The following TMEM245 variants were observed in gnomAD, a reference collection of about 807,000 sequenced individuals.
TMEM245 encodes the protein transmembrane protein 245.
A neutral mutation model predicts 101.2 loss-of-function variants in TMEM245; 69 were observed. That is an observed-to-expected ratio of 0.68 (90% confidence interval 0.56 to 0.83). The LOEUF (loss-of-function observed/expected upper bound fraction) is 0.83. TMEM245 is among the 40% of genes least tolerant of loss of function. The pLI, the probability that TMEM245 is intolerant of heterozygous loss-of-function variation, is 0.00. For missense variants in TMEM245, 1,075 were observed against 1,092.8 expected, an observed-to-expected ratio of 0.98 and a Z score of 0.23; for synonymous variants, 537 against 449.8, an observed-to-expected ratio of 1.19 and a Z score of -2.45.
chr9:109,110,627 CTAT>C (rs1830543938), intron 1 of TMEM245, among the ~76,000 whole-genome samples: 1 of 151,980 alleles, frequency 6.6e-6, no homozygotes, highest in Non-Finnish European at 1.5e-5. Context: ...TAGCCCCACC[CTAT>C]TAAACATTAC....
chr9:109,111,159 G>A (rs1014272876), intron 1 of TMEM245, among the ~76,000 whole-genome samples: 2 of 152,182 alleles, frequency 1.3e-5, no homozygotes, highest in South Asian at 4.1e-4. Context: ...TGTCATCTGG[G>A]AGAGGCATAA....
intron 5 of TMEM245, among the ~76,000 whole-genome samples, chr9:109,090,208 C>G (rs1829958795): frequency 6.6e-6 from 1 of 152,100 alleles, no homozygotes; most frequent in Non-Finnish European, 1.5e-5. Context: ...CTGCAGTGAG[C>G]TGAGATCGCG....
intron 8 of TMEM245, among the ~76,000 whole-genome samples, chr9:109,074,394 C>T (rs1187059266): frequency 1.3e-5 from 2 of 152,154 alleles, no homozygotes; most frequent in African/African-American, 4.8e-5. Context: ...GGCGTAACAG[C>T]TCACTCCTAA....
intron 1 of TMEM245, among the ~76,000 whole-genome samples, chr9:109,113,992 C>T: frequency 6.6e-6 from 1 of 152,168 alleles, no homozygotes; most frequent in Non-Finnish European, 1.5e-5. Flanking sequence ...AGGAGAATCA[C>T]TTGAACCCGG....
At chr9:109,086,113 A>AT in intron 6 of TMEM245, 93 bp from the exon 7 acceptor site, 1 of 1,388,424 alleles carries the variant, frequency 7.2e-7, no homozygotes, top group Non-Finnish European at 1.0e-6. Context: ...AAAGGAAAGC[A>AT]TGAGAAGGAA....
intron 9 of TMEM245, among the ~76,000 whole-genome samples, chr9:109,065,601 A>G (rs190788122): frequency 6.6e-6 from 1 of 152,284 alleles, no homozygotes; most frequent in Admixed American, 6.5e-5. Flanking sequence ...TGGCCTCCTC[A>G]TTCTTCTGTT....
chr9:109,033,593 C>T (rs1381174329), intron 16 of TMEM245, 92 bp from the exon 17 acceptor site: 1 of 1,255,612 alleles, frequency 8.0e-7, no homozygotes, highest in East Asian at 2.5e-5. Flanking sequence ...ATACACTATG[C>T]TTTTTAGCAT....
intron 14 of TMEM245, chr9:109,039,265 C>T (rs1828233198): frequency 6.6e-6 from 1 of 152,016 alleles, no homozygotes; most frequent in Non-Finnish European, 1.5e-5. Flanking sequence ...TAGAGAACGT[C>T]TTAAAGGAGC....
chr9:109,051,318 A>G (rs933963039), intron 12 of TMEM245, among the ~76,000 whole-genome samples: 2 of 151,624 alleles, frequency 1.3e-5, no homozygotes, highest in Non-Finnish European at 2.9e-5. Flanking sequence ...ACACACACAC[A>G]CACACACACA....
At chr9:109,056,563 C>A (rs1342012825) in intron 12 of TMEM245, among the ~76,000 whole-genome samples, 1 of 150,476 alleles carries the variant, frequency 6.6e-6, no homozygotes, top group Non-Finnish European at 1.5e-5. Context: ...TTGCAGTAAA[C>A]TGAGATCACA....
At position 109,015,559 on chromosome 9, in the gene TMEM245, G is replaced by T. The variant is rs1055571357; in HGVS notation, c.*4901C>A. 2 of 152,640 alleles carry T rather than the reference G, an allele frequency of 1.3e-5. No homozygotes were observed. The highest frequency in any genetic ancestry group is 1.3e-4 in the Admixed American group (2 of 15,286). 9.5% of individuals were successfully genotyped at this position (152,640 alleles called of 1,614,324 possible). On this transcript the variant is annotated 3_prime_UTR_variant, in exon 18 of 18. Transcript: ENST00000374586. ...TAATAAGCCAAAATTATCAGGATTTGCTTCCATACTTTTCACTGTAAAATA... is the reference window on the plus strand; with the variant it reads ...TAATAAGCCAAAATTATCAGGATTTTCTTCCATACTTTTCACTGTAAAATA...
At chr9:109,037,648 A>G (rs1828172701) in intron 15 of TMEM245, among the ~76,000 whole-genome samples, 1 of 152,098 alleles carries the variant, frequency 6.6e-6, no homozygotes, top group Non-Finnish European at 1.5e-5. Context: ...TTCCACCACT[A>G]TTATAAGTTT....
chr9:109,101,616 A>G (rs1830284302), intron 3 of TMEM245, among the ~76,000 whole-genome samples: 1 of 152,252 alleles, frequency 6.6e-6, no homozygotes, highest in South Asian at 2.1e-4. Context: ...TTCTAGATCA[A>G]TAATCACCTA....
chr9:109,020,594 T>G (rs917685185), intron 17 of TMEM245, 89 bp from the exon 18 acceptor site: 60 of 1,141,222 alleles, frequency 5.3e-5, no homozygotes, highest in Non-Finnish European at 7.2e-5. Context: ...TGAGATTATA[T>G]AGTCACTATT....
intron 3 of TMEM245, among the ~76,000 whole-genome samples, chr9:109,103,032 C>G (rs1830320280): frequency 6.6e-6 from 1 of 152,200 alleles, no homozygotes; most frequent in South Asian, 2.1e-4. Flanking sequence ...AGATATAGGT[C>G]ACTCACAGCC....
intron 8 of TMEM245, 110 bp downstream of exon 8, chr9:109,080,719 ATTGTACATAC>A: frequency 1.6e-6 from 1 of 633,178 alleles, no homozygotes; most frequent in Non-Finnish European, 2.8e-6. Flanking sequence ...TCCTTTAGCT[ATTGTACATAC>A]TTTTAAATCA....
At chr9:109,058,002 C>T (rs1404510996) in intron 11 of TMEM245, among the ~76,000 whole-genome samples, 2 of 136,286 alleles carry the variant, frequency 1.5e-5, no homozygotes, top group African/African-American at 5.3e-5. Context: ...TCCTCCTTTC[C>T]TCATTTTTTT....
chr9:109,046,085 C>T (rs142726242), intron 14 of TMEM245: 241 of 247,486 alleles, frequency 9.7e-4, no homozygotes, highest in Admixed American at 1.5e-3. Flanking sequence ...TGGAAGGTAC[C>T]GATGGGAAGC....
At chr9:109,063,560 A>T (rs1195027342) in intron 10 of TMEM245, among the ~76,000 whole-genome samples, 1 of 152,212 alleles carries the variant, frequency 6.6e-6, no homozygotes, top group Non-Finnish European at 1.5e-5. Context: ...GTCGATTCTT[A>T]CATAATCCTA....
Sources: gnomAD v4.1 joint callset for allele counts (sites outside exome capture counted in the v4.1 genomes callset) on GRCh38, gnomAD v4.1.1 for gene constraint, MANE v1.5 for transcripts, NCBI Gene and HGNC (gene_info 2026-07-23, HGNC 2026-07-21) for gene names.